Variants in ANKRD12 observed in about 807,000 individuals in gnomAD.
ANKRD12 encodes ankyrin repeat domain 12, also known as ankyrin repeat domain-containing protein 12.
A neutral mutation model predicts 183.4 loss-of-function variants in ANKRD12; 85 were observed. The ratio of observed to expected loss-of-function variants is 0.46; its 90% CI spans 0.39 to 0.56. The LOEUF (loss-of-function observed/expected upper bound fraction) is 0.56. Among genes scored for constraint, ANKRD12 ranks in the 20% least tolerant of loss-of-function variants. The pLI is 0.00. For synonymous variants in ANKRD12, 914 were observed against 800.2 expected (o/e 1.14, Z -2.40); for missense variants, 2,405 against 2,357.1 (o/e 1.02, Z -0.42).
chr18:9,153,257 G>C (rs951766338), intron 1 of ANKRD12, among the ~76,000 whole-genome samples: 1 of 152,196 alleles, frequency 6.6e-6, no homozygotes, highest in African/African-American at 2.4e-5. Context: ...AGGTATAGCT[G>C]ATAGCTTAGT....
chr18:9,167,961 C>A (rs374975776), intron 1 of ANKRD12, among the ~76,000 whole-genome samples: 3 of 151,980 alleles, frequency 2.0e-5, no homozygotes, highest in South Asian at 4.2e-4. Context: ...CCTTTTCTGC[C>A]TCTATTGAGA....
intron 8 of ANKRD12, chr18:9,235,857 T>C (rs182222826): frequency 1.9e-4 from 61 of 323,120 alleles, no homozygotes; most frequent in African/African-American, 1.2e-3. Context: ...CTGAGAAATA[T>C]GTGTTTAATA....
chr18:9,192,600 C>T (rs1164457771), intron 2 of ANKRD12, among the ~76,000 whole-genome samples: 1 of 151,964 alleles, frequency 6.6e-6, no homozygotes, highest in African/African-American at 2.4e-5. Flanking sequence ...TGGGAAATAC[C>T]TGCTTCTTGA....
At chr18:9,210,192 G>A (rs1439859479) in intron 5 of ANKRD12, among the ~76,000 whole-genome samples, 1 of 144,412 alleles carries the variant, frequency 6.9e-6, no homozygotes, top group African/African-American at 2.4e-5. Flanking sequence ...TTATTCATTA[G>A]ATAAGTCTTT....
chr18:9,274,569 TG>T (rs2039745325), intron 10 of ANKRD12, among the ~76,000 whole-genome samples: 1 of 152,200 alleles, frequency 6.6e-6, no homozygotes, highest in Non-Finnish European at 1.5e-5. Context: ...GAGTAAGGAA[TG>T]ACTGCTGATG....
chr18:9,173,621 G>GT (rs2032964324), intron 1 of ANKRD12, among the ~76,000 whole-genome samples: 1 of 141,938 alleles, frequency 7.0e-6, no homozygotes, highest in Non-Finnish European at 1.6e-5. Context: ...GGTGGTGGGG[G>GT]GGGGGTAGGG....
intron 2 of ANKRD12, among the ~76,000 whole-genome samples, chr18:9,187,029 G>A (rs972134029): frequency 9.2e-5 from 14 of 152,104 alleles, no homozygotes; most frequent in Admixed American, 5.9e-4. Flanking sequence ...CCAAAGTGCT[G>A]GGATTACAGG....
At chr18:9,182,334 C>T (rs112685892) in intron 1 of ANKRD12, 48 bp from the exon 2 acceptor site, 1 of 507,656 alleles carries the variant, frequency 2.0e-6, no homozygotes, top group Non-Finnish European at 3.2e-6. Flanking sequence ...TGGTGCGTAA[C>T]CTATTGTATA....
rs71168045 is a variant in ANKRD12, at chr18:9,210,725, C to CAAAAAAAAAA, written c.452-854_452-845dup. Among the ~76,000 whole-genome samples the CAAAAAAAAAA allele has an allele frequency of 3.7e-4, 31 of 84,590 alleles. 8 individuals are homozygous for CAAAAAAAAAA. The highest frequency in any genetic ancestry group is 6.4e-4 in the Non-Finnish European group (29 of 45,342). 55.5% of individuals were successfully genotyped at this position (84,590 alleles called of 152,430 possible). Reference sequence around the variant, plus strand: ...TGGGCAACAGAGTGAGACTCTGTCTCAAAAAAAAAAAAAATCCAAAAGATG... The same window carrying CAAAAAAAAAA: ...TGGGCAACAGAGTGAGACTCTGTCTCAAAAAAAAAAAAAAAAAAAAAAAATCCAAAAGATG... On this transcript the variant is annotated intron_variant, in intron 5 of 12. Coordinates refer to ENST00000262126, the MANE Select transcript of ANKRD12 (RefSeq NM_015208.5).
At chr18:9,155,515 G>A (rs114905412) in intron 1 of ANKRD12, among the ~76,000 whole-genome samples, 1,579 of 152,278 alleles carry the variant, frequency 0.01, 22 homozygotes, top group African/African-American at 0.036. Context: ...AAGACTGTGC[G>A]TTTAAATTTT....
At chr18:9,218,589 A>T in intron 7 of ANKRD12, among the ~76,000 whole-genome samples, 1 of 152,160 alleles carries the variant, frequency 6.6e-6, no homozygotes, top group East Asian at 1.9e-4. Flanking sequence ...TATAGAGAGG[A>T]TTAACATAGC....
chr18:9,166,696 T>A (rs2032107829), intron 1 of ANKRD12, among the ~76,000 whole-genome samples: 1 of 151,912 alleles, frequency 6.6e-6, no homozygotes, highest in Non-Finnish European at 1.5e-5. Context: ...TAGTTTCTTT[T>A]GCTGTGCAGA....
intron 9 of ANKRD12, among the ~76,000 whole-genome samples, chr18:9,261,882 T>C (rs546669904): frequency 2.0e-5 from 3 of 152,304 alleles, no homozygotes; most frequent in South Asian, 2.1e-4. Flanking sequence ...ACAGTAGATA[T>C]CCGTCCTCTA....
At chr18:9,243,166 A>G (rs556316133) in intron 8 of ANKRD12, among the ~76,000 whole-genome samples, 1 of 152,362 alleles carries the variant, frequency 6.6e-6, no homozygotes, top group Non-Finnish European at 1.5e-5. Context: ...TTACATGTAC[A>G]TAATTCTTGA....
chr18:9,275,318 T>TA lies in ANKRD12; in HGVS notation c.5764-206_5764-205insA, dbSNP rs1568006682. Among the ~76,000 whole-genome samples the TA allele has an allele frequency of 6.0e-4, 85 of 140,636 alleles. 2 individuals carry two copies. The highest frequency in any genetic ancestry group is 2.9e-4 in the Non-Finnish European group (18 of 61,592). 92.3% of individuals were successfully genotyped at this position (140,636 alleles called of 152,430 possible). A position where few individuals can be genotyped will look rare whatever the true frequency, so the allele number is the denominator to read the frequency against. ...TGTCTCTAAAAATATATATATATATTTTTAATTAGCTGTGCTTCATGGCAC... is the reference window on the plus strand; with the variant it reads ...TGTCTCTAAAAATATATATATATATTATTTAATTAGCTGTGCTTCATGGCAC... On this transcript the variant is annotated intron_variant, in intron 10 of 12. Coordinates refer to ENST00000262126, the MANE Select transcript of ANKRD12 (RefSeq NM_015208.5).
At chr18:9,227,191 CAT>C (rs1234124613) in intron 8 of ANKRD12, among the ~76,000 whole-genome samples, 4 of 151,742 alleles carry the variant, frequency 2.6e-5, no homozygotes, top group Non-Finnish European at 4.4e-5. Context: ...AATATATATA[CAT>C]ATATATAGAA....
At chr18:9,176,040 A>G (rs995194351) in intron 1 of ANKRD12, among the ~76,000 whole-genome samples, 1 of 152,156 alleles carries the variant, frequency 6.6e-6, no homozygotes, top group African/African-American at 2.4e-5. Context: ...GCTTTCAAGA[A>G]GGATGTTTAT....
At chr18:9,205,369 G>A (rs1397038582) in intron 4 of ANKRD12, among the ~76,000 whole-genome samples, 1 of 151,750 alleles carries the variant, frequency 6.6e-6, no homozygotes, top group Non-Finnish European at 1.5e-5. Context: ...TTCAGCATAT[G>A]ACATTTAGTT....
At chr18:9,171,113 C>G (rs987942864) in intron 1 of ANKRD12, among the ~76,000 whole-genome samples, 4 of 152,186 alleles carry the variant, frequency 2.6e-5, no homozygotes, top group African/African-American at 9.7e-5. Context: ...CAGTCCGCCC[C>G]TACTGGGGGT....
Sources: allele counts gnomAD v4.1 joint callset (sites outside exome capture counted in the v4.1 genomes callset), GRCh38; gene constraint gnomAD v4.1.1; transcripts MANE v1.5; gene names NCBI Gene and HGNC (gene_info 2026-07-23, HGNC 2026-07-21).